The following SLC24A2 variants were observed in gnomAD, a reference collection of about 807,000 sequenced individuals.
SLC24A2 encodes sodium/potassium/calcium exchanger 2.
A neutral mutation model predicts 62.0 loss-of-function variants in SLC24A2; 36 were observed. That is an observed-to-expected ratio of 0.58 (90% confidence interval 0.44 to 0.77). The LOEUF (loss-of-function observed/expected upper bound fraction) is 0.77. Ranked by LOEUF, SLC24A2 falls within the 30% of genes least tolerant of loss-of-function variation. The pLI, the probability that SLC24A2 is intolerant of heterozygous loss-of-function variation, is 0.00. For synonymous variants in SLC24A2, 358 were observed against 294.0 expected, an observed-to-expected ratio of 1.22 and a Z score of -2.23; for missense variants, 846 against 817.9, an observed-to-expected ratio of 1.03 and a Z score of -0.42.
At chr9:19,944,159 A>G in the SLC24A2 span, among the ~76,000 whole-genome samples, 2 of 152,272 alleles carry the variant, frequency 1.3e-5, no homozygotes, top group East Asian at 3.9e-4. Flanking sequence ...TTTGGGTACA[A>G]TGCTCAGCAC....
chr9:20,113,120 T>C, the SLC24A2 span, among the ~76,000 whole-genome samples: 2 of 152,162 alleles, frequency 1.3e-5, no homozygotes, highest in African/African-American at 2.4e-5. Context: ...AGTATCTCCA[T>C]GTCTTTTTGC....
the SLC24A2 span, among the ~76,000 whole-genome samples, chr9:19,803,463 T>C: frequency 6.6e-6 from 1 of 152,208 alleles, no homozygotes; most frequent in African/African-American, 2.4e-5. Flanking sequence ...ATAAAAACCT[T>C]ACTGGACTTT....
At chr9:20,102,526 G>C in the SLC24A2 span, among the ~76,000 whole-genome samples, 104 of 151,958 alleles carry the variant, frequency 6.8e-4, no homozygotes, top group East Asian at 0.017. Flanking sequence ...ACAGCATAAG[G>C]AGAAATACCT....
At chr9:20,195,451 C>T in the SLC24A2 span, among the ~76,000 whole-genome samples, 9 of 152,100 alleles carry the variant, frequency 5.9e-5, no homozygotes, top group South Asian at 1.0e-3. Context: ...AGGAAATTTT[C>T]GTGTATTTAT....
chr9:19,943,139 A>G, the SLC24A2 span, among the ~76,000 whole-genome samples: 5 of 152,240 alleles, frequency 3.3e-5, no homozygotes, highest in African/African-American at 1.2e-4. Flanking sequence ...TTTAATGCAT[A>G]CCTCTAAGTG....
chr9:19,979,844 C>T, the SLC24A2 span, among the ~76,000 whole-genome samples: 1 of 152,224 alleles, frequency 6.6e-6, no homozygotes, highest in South Asian at 2.1e-4. Context: ...CACAACGCAA[C>T]TTTAACCTCC....
chr9:19,544,331 A>T (rs1834438009), intron 8 of SLC24A2, among the ~76,000 whole-genome samples: 1 of 142,806 alleles, frequency 7.0e-6, no homozygotes, highest in Non-Finnish European at 1.5e-5. Flanking sequence ...TTGTCTTTGC[A>T]TGTGAGGTGG....
chr9:20,295,479 T>C, the SLC24A2 span, among the ~76,000 whole-genome samples: 2 of 152,152 alleles, frequency 1.3e-5, no homozygotes, highest in Admixed American at 1.3e-4. Flanking sequence ...ACCTGGTAAA[T>C]CATTATTCTG....
chr9:19,894,859 C>T, the SLC24A2 span, among the ~76,000 whole-genome samples: 1 of 152,110 alleles, frequency 6.6e-6, no homozygotes, highest in African/African-American at 2.4e-5. Context: ...AGAATGCTAC[C>T]TTCAAGCAGC....
the SLC24A2 span, among the ~76,000 whole-genome samples, chr9:20,232,338 G>T: frequency 7.1e-3 from 1,080 of 152,312 alleles, 13 homozygotes; most frequent in African/African-American, 0.025. Context: ...ACCTCTGGTA[G>T]AATTCGGCTG....
chr9:19,933,292 T>C, the SLC24A2 span, among the ~76,000 whole-genome samples: 1 of 152,224 alleles, frequency 6.6e-6, no homozygotes, highest in African/African-American at 2.4e-5. Flanking sequence ...AACAATTCTA[T>C]ATACAACTTC....
chr9:20,193,947 A>T, the SLC24A2 span, among the ~76,000 whole-genome samples: 1 of 152,320 alleles, frequency 6.6e-6, no homozygotes, highest in South Asian at 2.1e-4. Context: ...AGATTTATCA[A>T]AGAATTATAG....
intron 2 of SLC24A2, among the ~76,000 whole-genome samples, chr9:19,782,092 T>A (rs905858034): frequency 1.3e-5 from 2 of 152,190 alleles, no homozygotes; most frequent in African/African-American, 4.8e-5. Flanking sequence ...ATTGTGCCCT[T>A]CATTAGAACC....
the SLC24A2 span, among the ~76,000 whole-genome samples, chr9:19,949,144 C>A: frequency 2.0e-5 from 3 of 152,042 alleles, no homozygotes; most frequent in African/African-American, 4.8e-5. Context: ...CATGCACCTG[C>A]CACCATGCCT....
chr9:20,121,156 A>T, the SLC24A2 span, among the ~76,000 whole-genome samples: 19 of 149,644 alleles, frequency 1.3e-4, no homozygotes, highest in South Asian at 1.3e-3. Flanking sequence ...TTCTATAGAA[A>T]AGCCTATTGG....
the SLC24A2 span, among the ~76,000 whole-genome samples, chr9:19,966,242 G>A: frequency 6.6e-6 from 1 of 152,148 alleles, no homozygotes; most frequent in Non-Finnish European, 1.5e-5. Context: ...GTTTTGGATT[G>A]TGTCTAGCGT....
At chr9:19,808,822 T>G in the SLC24A2 span, among the ~76,000 whole-genome samples, 3 of 152,240 alleles carry the variant, frequency 2.0e-5, no homozygotes, top group Non-Finnish European at 2.9e-5. This position sits in a 1 kb window ranked among gnomAD's most constrained non-coding sequence, Gnocchi z 4.1. Context: ...GTTTGCTTAT[T>G]ATGACCTTCT....
the SLC24A2 span, among the ~76,000 whole-genome samples, chr9:20,295,036 G>GTATATATATATATATA: frequency 3.2e-4 from 46 of 145,674 alleles, no homozygotes; most frequent in African/African-American, 1.0e-3. Context: ...GTGTATATAT[G>GTATATATATATATATA]TATATATATA....
At chr9:20,211,469 A>G in the SLC24A2 span, among the ~76,000 whole-genome samples, 1 of 152,176 alleles carries the variant, frequency 6.6e-6, no homozygotes, top group Admixed American at 6.5e-5. Flanking sequence ...CTGAGATCAC[A>G]CCATTGCACT....
Sources: gnomAD v4.1 joint callset for allele counts (sites outside exome capture counted in the v4.1 genomes callset) on GRCh38, gnomAD v4.1.1 for gene constraint, Gnocchi (gnomAD v3.1) non-coding constraint, MANE v1.5 for transcripts, NCBI Gene and HGNC (gene_info 2026-07-23, HGNC 2026-07-21) for gene names.